Variants in KIF1A observed in about 807,000 individuals in gnomAD.
KIF1A encodes kinesin family member 1A.
Under a neutral mutation model 227.3 loss-of-function variants are expected in KIF1A, and 46 were observed. The ratio of observed to expected loss-of-function variants is 0.20; its 90% confidence interval spans 0.16 to 0.26. KIF1A has a LOEUF of 0.26. Ranked by LOEUF, KIF1A falls within the 10% of genes least tolerant of loss-of-function variation. The probability of loss-of-function intolerance (pLI) is 1.00; values close to 1 mark genes in which losing one functional copy is unlikely to be tolerated. For synonymous variants in KIF1A, 1,022 were observed against 1,012.8 expected (o/e 1.01, Z -0.17); for missense variants, 1,683 against 2,485.9 (o/e 0.68, Z 6.87).
At chr2:240,784,953 C>A (rs1451517010) in intron 7 of KIF1A, 36 bp downstream of exon 7, 1 of 1,549,258 alleles carries the variant, frequency 6.5e-7, no homozygotes, top group South Asian at 1.1e-5. Flanking sequence ...CCAGCCACTG[C>A]CCTTGGTGGC....
At chr2:240,784,923 C>A in intron 7 of KIF1A, 66 bp downstream of exon 7, 1 of 1,352,110 alleles carries the variant, frequency 7.4e-7, no homozygotes, top group Non-Finnish European at 1.1e-6. Flanking sequence ...CTGGCCTGAC[C>A]ACCACCCCTA....
chr2:240,721,695 A>G lies in KIF1A; in HGVS notation c.4743+112T>C, dbSNP rs11886385. The G allele has an allele frequency of 0.067, 57,928 of 870,256 alleles. 4,604 individuals carry two copies. The highest frequency in any genetic ancestry group is 0.34 in the African/African-American group (20,181 of 59,892). The allele number at this position is 870,256 out of a possible 1,614,324, so 53.9% of individuals were successfully genotyped here. ...TCCCTCTGCACTGAGACGTGTTCCT[A>G]GGAAACTCTTAACTGCCTTTTCCCA... On this transcript the variant is annotated intron_variant, in intron 44 of 48. Transcript: ENST00000498729.
At chr2:240,786,666 GGGCC>G (rs2054830262) in intron 5 of KIF1A, among the ~76,000 whole-genome samples, 153 bp from the exon 6 acceptor site, 8 of 140,432 alleles carry the variant, frequency 5.7e-5, no homozygotes, top group Non-Finnish European at 1.1e-4. Flanking sequence ...GAGGGGGTGG[GGGCC>G]ACCACCAGGA....
intron 1 of KIF1A, among the ~76,000 whole-genome samples, chr2:240,817,540 T>C (rs768071114): frequency 3.3e-5 from 5 of 152,186 alleles, no homozygotes; most frequent in Non-Finnish European, 5.9e-5. Context: ...CACTGATAGA[T>C]GTGCACGGAT....
At chr2:240,745,974 G>A (rs2048549550) in intron 30 of KIF1A, 65 bp from the exon 31 acceptor site, 4 of 1,595,962 alleles carry the variant, frequency 2.5e-6, no homozygotes, top group Admixed American at 3.4e-5. Flanking sequence ...CACAGGCCTG[G>A]GCCGGGCTCA....
In KIF1A at chr2:240,739,917, CAGAG is replaced by C. The variant is rs2047753993; in HGVS notation, c.3901+137_3901+140del. On this transcript the variant is annotated intron_variant, in intron 37 of 48. Coordinates refer to ENST00000498729, the MANE Select transcript of KIF1A (RefSeq NM_001244008.2). This position sits in a 1 kb window ranked among gnomAD's most constrained non-coding sequence, Gnocchi z 5.6. ...CCTTTTCAGGTGAGGAAGTGAGTCA[CAGAG>C]AGATTATGTGACCCGGCCAGGGTCA... 7.7e-6 allele frequency: 5 copies of C among 652,428 alleles called. No individual in the cohort carries two copies. The East Asian group carries it at 1.4e-4, about 18-fold the overall frequency. The allele number at this position is 652,428 out of a possible 1,614,324, so 40.4% of individuals were successfully genotyped here.
Position 240,787,282 on chromosome 2 carries a change from G to A in KIF1A, c.398C>T (p.Thr133Met), listed in dbSNP as rs548452545. ...CEDLFSRIND[T>M]TNDNMSYSVE... ...GGAGTAGGACATGTTGTCGTTGGTC[G>A]TGTCGTTGATCCGAGAGAAGAGGTC... The change falls in exon 5 of 49, where the codon ACG (threonine) becomes ATG (methionine). Residue 133 changes from threonine to methionine, a missense_variant. Physicochemically the swap from Thr to Met is moderately conservative, Grantham distance 81. This residue lies in a region of KIF1A where 75 missense variants were observed against 131.2 expected (regional missense o/e 0.57). Transcript: ENST00000498729. The A allele has an allele frequency of 7.4e-6, 12 of 1,613,380 alleles. No individual in the cohort carries two copies. The highest frequency in any genetic ancestry group is 5.3e-5 in the African/African-American group (4 of 75,042).
chr2:240,797,025 A>G (rs1435034649), intron 2 of KIF1A, among the ~76,000 whole-genome samples: 1 of 152,206 alleles, frequency 6.6e-6, no homozygotes, highest in Non-Finnish European at 1.5e-5. Flanking sequence ...GTCACCACTC[A>G]GTGCAGCTGA....
rs766400511 is a variant in KIF1A at position 240,744,065 on chromosome 2, T to TGGGC, written c.3466-9_3466-6dup. 1.9e-6 allele frequency: 3 copies of TGGGC among 1,601,656 alleles called. No individual in the cohort carries two copies. The South Asian group carries it at 3.3e-5, about 18-fold the overall frequency. Reference sequence around the variant, plus strand: ...CTTGGTCACCTCCACTGCGATCTGGTGGGCAGGCAGGTGGGAGGACAGGAG... The same window carrying TGGGC: ...CTTGGTCACCTCCACTGCGATCTGGTGGGCGGGCAGGCAGGTGGGAGGACAGGAG... On this transcript the variant is annotated splice_region_variant and splice_polypyrimidine_tract_variant and intron_variant, in intron 32 of 48. Coordinates refer to ENST00000498729, the MANE Select transcript of KIF1A (RefSeq NM_001244008.2).
In KIF1A at chr2:240,750,450, C is replaced by G; in HGVS notation, c.2956G>C (p.Val986Leu). Residue 986 changes from valine to leucine, a missense_variant, in exon 28 of 49, where the codon GTG becomes CTG. By Grantham distance (32) the Val-to-Leu change is conservative. Coordinates refer to ENST00000498729, the MANE Select transcript of KIF1A (RefSeq NM_001244008.2). ...EKGEVKGFLRVAVQAISADEE... is the reference protein window; with the variant it reads ...EKGEVKGFLRLAVQAISADEE... ...GCACCTGAGATGGCCTGGACGGCCA[C>G]GCGGAGGAAGCCCTTCACCTCGCCC... is the stretch of plus-strand genomic sequence containing the variant. The G allele has an allele frequency of 6.2e-7, 1 of 1,613,668 alleles. No individual in the cohort carries two copies. The highest frequency in any genetic ancestry group is 8.5e-7 in the Non-Finnish European group (1 of 1,179,656).
At position 240,761,746 on chromosome 2, in the gene KIF1A, T is replaced by C. The variant is rs1408107216; in HGVS notation, c.2117-369A>G. ...AGTGAGCAACATGAAAAGCTCTGCA[T>C]GCCCCAAAGGAGAGGCCGCCACGAG... On this transcript the variant is annotated intron_variant, in intron 23 of 48. Transcript: ENST00000498729. Among the ~76,000 whole-genome samples the C allele has an allele frequency of 3.3e-5, 5 of 152,324 alleles. 1 individual carries two copies. The East Asian group carries it at 9.6e-4, about 29-fold the overall frequency.
In KIF1A at chr2:240,811,266, G is replaced by A. The variant is rs138060854; in HGVS notation, c.-61+8856C>T. 1.5e-3 allele frequency among the ~76,000 whole-genome samples: 234 copies of A among 152,286 alleles called. 1 individual carries two copies. The highest frequency in any genetic ancestry group is 2.8e-3 in the Non-Finnish European group (188 of 68,030). On this transcript the variant is annotated intron_variant, in intron 1 of 48. Coordinates refer to ENST00000498729, the MANE Select transcript of KIF1A (RefSeq NM_001244008.2). ...CATAATCCCAGCTACTTGGGAGGCT[G>A]AGGTAGGAGAATCACTTGAACCCGG...
chr2:240,780,593 C>A (rs1487652324), intron 10 of KIF1A, among the ~76,000 whole-genome samples: 1 of 151,974 alleles, frequency 6.6e-6, no homozygotes, highest in East Asian at 1.9e-4. Flanking sequence ...GTGGCACACA[C>A]GTCCTGTCCC....
In KIF1A at chr2:240,766,788, T is replaced by TA; in HGVS notation, c.1684+126_1684+127insT. The TA allele has an allele frequency of 2.1e-5, 5 of 236,664 alleles. No homozygotes were observed. The highest frequency in any genetic ancestry group is 1.4e-4 in the East Asian group (1 of 7,112). The allele number at this position is 236,664 out of a possible 1,614,324, so 14.7% of individuals were successfully genotyped here. The stretch of plus-strand genomic sequence containing the variant: ...ACACACACACACACACACACACACG[T>TA]CCTGCCTAGAAGTATGACTCGCGAC... On this transcript the variant is annotated intron_variant, in intron 19 of 48. Coordinates refer to ENST00000498729, the MANE Select transcript of KIF1A (RefSeq NM_001244008.2). The surrounding 1 kb of genome is among the most constrained non-coding windows in gnomAD (Gnocchi z 5.0).
intron 1 of KIF1A, among the ~76,000 whole-genome samples, chr2:240,801,679 G>C (rs1179625872): frequency 3.9e-5 from 6 of 152,070 alleles, no homozygotes; most frequent in Non-Finnish European, 8.8e-5. Flanking sequence ...CATGAGGGTG[G>C]GGCCTCACAA....
intron 24 of KIF1A, among the ~76,000 whole-genome samples, 185 bp from the exon 25 acceptor site, chr2:240,761,028 C>T (rs2050457535): frequency 6.6e-6 from 1 of 152,164 alleles, no homozygotes; most frequent in African/African-American, 2.4e-5. Flanking sequence ...CCGCCGTCTC[C>T]CGTGAGCAGC....
At chr2:240,812,598 CA>C (rs2057954199) in intron 1 of KIF1A, among the ~76,000 whole-genome samples, 1 of 130,530 alleles carries the variant, frequency 7.7e-6, no homozygotes, top group African/African-American at 2.8e-5. Context: ...GCCTTCACCT[CA>C]GGATCTGCCT....
chr2:240,784,862 A>G, intron 7 of KIF1A, 127 bp downstream of exon 7: 1 of 745,172 alleles, frequency 1.3e-6, no homozygotes, highest in Non-Finnish European at 2.3e-6. Flanking sequence ...GTGTGAGGAC[A>G]CTACCCGCCC....
rs1249561169 is a variant in KIF1A at position 240,761,376 on chromosome 2, G to C, written c.2118C>G (p.Val706=). Residue 706 remains valine (V), a splice_region_variant and synonymous_variant, in exon 24 of 49, where the codon GTC becomes GTG. Coordinates refer to ENST00000498729, the MANE Select transcript of KIF1A (RefSeq NM_001244008.2). Reference sequence around the variant, plus strand: ...GCTCACACTCCCGCTCTGTCCACTGGACTGTGGGGAGAGGTCACACGTGGT... The same window carrying C: ...GCTCACACTCCCGCTCTGTCCACTGCACTGTGGGGAGAGGTCACACGTGGT... ...NEEEEEPEDE[V]QWTERECELA... is the part of the protein sequence containing the mutation. The C allele has an allele frequency of 6.3e-7, 1 of 1,598,618 alleles. No homozygotes were observed.
Sources: gnomAD v4.1 joint callset for allele counts (sites outside exome capture counted in the v4.1 genomes callset) on GRCh38, gnomAD v4.1.1 for gene constraint, gnomAD v4.1.1 regional missense constraint, Gnocchi (gnomAD v3.1) non-coding constraint, MANE v1.5 for transcripts, NCBI Gene and HGNC (gene_info 2026-07-23, HGNC 2026-07-21) for gene names.